The following SLC22A15 variants were observed in gnomAD, a reference collection of about 807,000 sequenced individuals.
The protein encoded by SLC22A15 is flipt 1.
In SLC22A15, 45 loss-of-function variants were observed where a neutral mutation model predicts 62.7. The observed-to-expected ratio is 0.72, with a 90% confidence interval of 0.56 to 0.92. The LOEUF is 0.92. Ranked by LOEUF, SLC22A15 falls within the 40% of genes least tolerant of loss-of-function variation. SLC22A15 has a pLI of 0.00. For synonymous variants in SLC22A15, 264 were observed against 267.0 expected, an observed-to-expected ratio of 0.99 and a Z score of 0.11; for missense variants, 622 against 665.6, an observed-to-expected ratio of 0.93 and a Z score of 0.72.
At chr1:116,038,450 C>T (rs1657690971) in intron 8 of SLC22A15, among the ~76,000 whole-genome samples, 1 of 152,166 alleles carries the variant, frequency 6.6e-6, no homozygotes, top group Non-Finnish European at 1.5e-5. Flanking sequence ...CTGTTGATTG[C>T]CCCCTGAGTT....
chr1:116,028,201 A>G (rs1657197233), intron 5 of SLC22A15, among the ~76,000 whole-genome samples: 2 of 152,192 alleles, frequency 1.3e-5, no homozygotes, highest in African/African-American at 4.8e-5. Flanking sequence ...GCAAAAATGA[A>G]TAGAGTAGAA....
At chr1:116,037,973 G>T (rs1216642009) in intron 8 of SLC22A15, among the ~76,000 whole-genome samples, 1 of 152,218 alleles carries the variant, frequency 6.6e-6, no homozygotes, top group Non-Finnish European at 1.5e-5. Flanking sequence ...CTTCAAGAAG[G>T]ATCCCTTTAG....
At chr1:115,986,694 C>T (rs1654880525) in intron 1 of SLC22A15, among the ~76,000 whole-genome samples, 1 of 152,196 alleles carries the variant, frequency 6.6e-6, no homozygotes, top group African/African-American at 2.4e-5. Flanking sequence ...AATGCAGACT[C>T]TTACCCCCAC....
In SLC22A15 at chr1:116,035,296, C is replaced by A; in HGVS notation, c.1054C>A (p.Pro352Thr). 6.2e-7 allele frequency: 1 copy of A among 1,612,998 alleles called. No individual in the cohort carries two copies. Among genetic ancestry groups the A allele is most frequent in the South Asian group, 1.1e-5 (1 of 90,960 alleles). The change falls in exon 7 of 12, where the codon CCT becomes ACT. Residue 352 changes from proline to threonine, a missense_variant. By Grantham distance (38) the Pro-to-Thr change is conservative. Coordinates refer to ENST00000369503, the MANE Select transcript of SLC22A15 (RefSeq NM_018420.3). ...TGGCCTCATAGAGATTCCATCTTAC[C>A]CTCTCTGTATCTACTTGATTAACCA... ...LSGLIEIPSYPLCIYLINQKW... is the reference protein window; with the variant it reads ...LSGLIEIPSYTLCIYLINQKW...
chr1:116,011,288 G>C (rs1005662667), intron 2 of SLC22A15, among the ~76,000 whole-genome samples: 1 of 152,074 alleles, frequency 6.6e-6, no homozygotes. Context: ...GTGCTTTCAG[G>C]GGCTAAAGAT....
intron 8 of SLC22A15, among the ~76,000 whole-genome samples, chr1:116,056,279 C>G (rs1156478750): frequency 7.0e-6 from 1 of 143,036 alleles, no homozygotes; most frequent in Non-Finnish European, 1.5e-5. Context: ...ATCAGAGAGC[C>G]AAATCATGAG....
At chr1:115,999,198 G>A (rs749355199) in intron 2 of SLC22A15, among the ~76,000 whole-genome samples, 8 of 152,092 alleles carry the variant, frequency 5.3e-5, no homozygotes, top group Admixed American at 1.3e-4. Flanking sequence ...GCTAACATGT[G>A]GTCTATCTTT....
chr1:115,987,188 C>T (rs1172603328), intron 1 of SLC22A15, among the ~76,000 whole-genome samples: 4 of 137,262 alleles, frequency 2.9e-5, no homozygotes, highest in Admixed American at 7.6e-5. Context: ...TTTTTTGAGA[C>T]GGAGTCTTGC....
chr1:116,053,105 T>A lies in SLC22A15; in HGVS notation c.1172-9657T>A, dbSNP rs187033533. ...AAGGCTTTAGACGATCAAACTACTC[T>A]GAGCTACAGGAGGAAATTCAAACCA... On this transcript the variant is annotated intron_variant, in intron 8 of 11. Transcript: ENST00000369503. Among the ~76,000 whole-genome samples, 149 of 152,290 alleles carry A rather than the reference T, an allele frequency of 9.8e-4. 1 individual carries two copies. Among genetic ancestry groups the A allele is most frequent in the South Asian group, 4.1e-3 (20 of 4,826 alleles).
intron 8 of SLC22A15, among the ~76,000 whole-genome samples, chr1:116,062,299 G>T (rs1191764889): frequency 1.3e-5 from 2 of 152,208 alleles, no homozygotes; most frequent in Non-Finnish European, 2.9e-5. Flanking sequence ...AAACACCAGA[G>T]AATGCAAACT....
chr1:116,000,353 G>A (rs545939675), intron 2 of SLC22A15, among the ~76,000 whole-genome samples: 7 of 152,102 alleles, frequency 4.6e-5, no homozygotes, highest in African/African-American at 1.4e-4. Flanking sequence ...GCAAAAACAA[G>A]CAAACAAAGA....
rs1658541841 is a variant in SLC22A15, at chr1:116,068,193, A to G, written c.*1085A>G. The G allele has an allele frequency of 6.6e-6, 1 of 152,644 alleles. No individual in the cohort carries two copies. The highest frequency in any genetic ancestry group is 6.5e-5 in the Admixed American group (1 of 15,276). 9.5% of individuals were successfully genotyped at this position (152,644 alleles called of 1,614,324 possible). On this transcript the variant is annotated 3_prime_UTR_variant, in exon 12 of 12. Coordinates refer to ENST00000369503, the MANE Select transcript of SLC22A15 (RefSeq NM_018420.3). ...ATTAAGTGCTACCAACTTTCAAGTG[A>G]ATCTTGTATTTGATTTCCTAAAATC...
In SLC22A15 at chr1:115,989,705, C is replaced by T. The variant is rs147818947; in HGVS notation, c.88-2326C>T. ...CCGAGGCATGAGAATTGCTTGAATC[C>T]GGGAGGCAGAGGTTGCAGTGAGCCA... On this transcript the variant is annotated intron_variant, in intron 1 of 11. Transcript: ENST00000369503. 1.1e-3 allele frequency among the ~76,000 whole-genome samples: 164 copies of T among 151,372 alleles called. 1 individual carries two copies. The highest frequency in any genetic ancestry group is 3.6e-3 in the African/African-American group (150 of 41,226).
At chr1:116,002,905 C>T (rs949917219) in intron 2 of SLC22A15, among the ~76,000 whole-genome samples, 6 of 151,932 alleles carry the variant, frequency 3.9e-5, no homozygotes, top group African/African-American at 7.3e-5. Context: ...TTTCTTCTAG[C>T]GAAGGAGTCT....
intron 2 of SLC22A15, among the ~76,000 whole-genome samples, chr1:116,014,844 G>T (rs1656445983): frequency 6.6e-6 from 1 of 152,050 alleles, no homozygotes; most frequent in Non-Finnish European, 1.5e-5. Flanking sequence ...TCCTGGTTTG[G>T]GTTTTATCCT....
chr1:116,039,582 TCTA>T (rs1428775502), intron 8 of SLC22A15, among the ~76,000 whole-genome samples: 1 of 152,094 alleles, frequency 6.6e-6, no homozygotes, highest in Non-Finnish European at 1.5e-5. Context: ...TTTTAATATT[TCTA>T]CTATTTAATT....
chr1:116,035,685 A>C (rs377391222), intron 7 of SLC22A15, among the ~76,000 whole-genome samples: 2 of 152,158 alleles, frequency 1.3e-5, no homozygotes. Flanking sequence ...TATAAACCCA[A>C]TTAGCAATAA....
At chr1:115,978,053 TAA>T (rs1044605577) in intron 1 of SLC22A15, among the ~76,000 whole-genome samples, 4 of 152,218 alleles carry the variant, frequency 2.6e-5, no homozygotes, top group African/African-American at 9.7e-5. Flanking sequence ...AGCTAAATGA[TAA>T]GAGTATTTAA....
intron 8 of SLC22A15, among the ~76,000 whole-genome samples, chr1:116,061,027 A>G (rs1658367039): frequency 6.6e-6 from 1 of 152,156 alleles, no homozygotes; most frequent in Non-Finnish European, 1.5e-5. Flanking sequence ...CCTCCTTTCA[A>G]GTTGAGAGAG....
Sources: allele counts gnomAD v4.1 joint callset (sites outside exome capture counted in the v4.1 genomes callset), GRCh38; gene constraint gnomAD v4.1.1; transcripts MANE v1.5; gene names NCBI Gene and HGNC (gene_info 2026-07-23, HGNC 2026-07-21).